Variants in CD96 observed in about 807,000 individuals in gnomAD.
CD96 encodes CD96 molecule, also known as T-cell surface protein tactile.
Under a neutral mutation model 71.3 loss-of-function variants are expected in CD96, and 70 were observed. The ratio of observed to expected loss-of-function variants is 0.98; its 90% CI spans 0.81 to 1.20. CD96 has a LOEUF of 1.20. Among genes scored for constraint, CD96 ranks in the 50% most tolerant of loss-of-function variants. CD96 has a pLI of 0.00. For synonymous variants in CD96, 248 were observed against 233.0 expected, an observed-to-expected ratio of 1.06 and a Z score of -0.59; for missense variants, 742 against 677.5, an observed-to-expected ratio of 1.10 and a Z score of -1.06.
intron 2 of CD96, among the ~76,000 whole-genome samples, chr3:111,561,680 C>T (rs1935420073): frequency 1.5e-5 from 2 of 137,678 alleles, no homozygotes; most frequent in South Asian, 5.5e-4. Context: ...GTGCCCTGCC[C>T]CCAGAGGTGG....
At chr3:111,560,082 T>C (rs756579815) in intron 2 of CD96, among the ~76,000 whole-genome samples, 17,148 of 146,114 alleles carry the variant, frequency 0.12, 1,096 homozygotes, top group Non-Finnish European at 0.13. Context: ...TCCATCCTTT[T>C]ATTTTGAGCC....
intron 3 of CD96, among the ~76,000 whole-genome samples, chr3:111,573,704 T>C (rs1936093135): frequency 6.6e-6 from 1 of 152,214 alleles, no homozygotes; most frequent in African/African-American, 2.4e-5. Flanking sequence ...AGCACATAAC[T>C]ATAGATTCTC....
chr3:111,606,572 A>G, intron 7 of CD96, 128 bp from the exon 8 acceptor site: 1 of 682,358 alleles, frequency 1.5e-6, no homozygotes, highest in Non-Finnish European at 2.7e-6. Flanking sequence ...CTTGACCTTA[A>G]TAGGGCCCCA....
chr3:111,636,669 C>G (rs1353164889), intron 10 of CD96, among the ~76,000 whole-genome samples: 1 of 152,236 alleles, frequency 6.6e-6, no homozygotes, highest in African/African-American at 2.4e-5. Context: ...ACTCACTCAG[C>G]AGCTGACAAG....
intron 2 of CD96, among the ~76,000 whole-genome samples, chr3:111,549,868 C>T (rs953722197): frequency 6.6e-6 from 1 of 152,102 alleles, no homozygotes; most frequent in African/African-American, 2.4e-5. Context: ...ATACAGAAGA[C>T]GTTAGGTAAA....
At chr3:111,569,846 G>A (rs1010620836) in intron 3 of CD96, among the ~76,000 whole-genome samples, 28 of 152,032 alleles carry the variant, frequency 1.8e-4, no homozygotes, top group Non-Finnish European at 2.9e-4. Flanking sequence ...AGTATCAATC[G>A]CTACCCCCAA....
rs771078898 is a variant in CD96, at chr3:111,623,762, G to A, written c.1189G>A (p.Ala397Thr). 1.9e-6 allele frequency: 3 copies of A among 1,605,926 alleles called. No homozygotes were observed. The highest frequency in any genetic ancestry group is 2.6e-6 in the Non-Finnish European group (3 of 1,172,726). ...ASSVSPARYPATSSVTLVDVS... is the reference protein window; with the variant it reads ...ASSVSPARYPTTSSVTLVDVS... ...TTTTATTTTCAAAATAGGATATCCA[G>A]CTACATCTTCAGTGACCCTTGTAGA... Residue 397 changes from alanine (A) to threonine (T), a missense_variant, in exon 9 of 14, where the codon GCT becomes ACT. Coordinates refer to ENST00000352690, the MANE Select transcript of CD96 (RefSeq NM_005816.5).
At chr3:111,659,516 T>C (rs4682295) in intron 14 of CD96, among the ~76,000 whole-genome samples, 67,055 of 152,102 alleles carry the variant, frequency 0.44, 17,729 homozygotes, top group Non-Finnish European at 0.58. Flanking sequence ...CTCTTAACAC[T>C]GCTTTGGCTG....
chr3:111,612,058 A>G (rs1196160591), intron 8 of CD96, among the ~76,000 whole-genome samples: 4 of 152,224 alleles, frequency 2.6e-5, no homozygotes, highest in African/African-American at 7.2e-5. Context: ...TTAAACGTCA[A>G]CTAATGGGCT....
chr3:111,642,733 G>C (rs1206194964), intron 12 of CD96, among the ~76,000 whole-genome samples: 2 of 152,002 alleles, frequency 1.3e-5, no homozygotes, highest in Non-Finnish European at 2.9e-5. Context: ...CTTGAGTCTG[G>C]GTGGCAGAGG....
chr3:111,576,731 T>A (rs1320527878), intron 3 of CD96, among the ~76,000 whole-genome samples: 12 of 152,162 alleles, frequency 7.9e-5, no homozygotes, highest in Admixed American at 7.9e-4. Flanking sequence ...ATATAGTAGG[T>A]GCTAAATAAA....
At chr3:111,563,756 T>G (rs1347603938) in intron 2 of CD96, among the ~76,000 whole-genome samples, 1 of 152,200 alleles carries the variant, frequency 6.6e-6, no homozygotes, top group African/African-American at 2.4e-5. Flanking sequence ...TTGTAACAAT[T>G]ATATATTCTT....
intron 5 of CD96, 130 bp from the exon 6 acceptor site, chr3:111,597,990 A>G (rs1316268531): frequency 1.4e-6 from 1 of 696,742 alleles, no homozygotes; most frequent in Non-Finnish European, 2.6e-6. Flanking sequence ...AAAAGTAGAC[A>G]TTGCCTTCTA....
intron 5 of CD96, chr3:111,593,080 C>A (rs1937070373): frequency 6.5e-6 from 1 of 153,670 alleles, no homozygotes; most frequent in African/African-American, 2.4e-5. Context: ...AGTACATGTG[C>A]TAAGACCTCA....
At chr3:111,584,339 T>C (rs1286223796) in intron 4 of CD96, among the ~76,000 whole-genome samples, 2 of 152,204 alleles carry the variant, frequency 1.3e-5, no homozygotes, top group African/African-American at 4.8e-5. Context: ...GGTTCCAAAC[T>C]TTACAACATT....
chr3:111,642,607 G>A lies in CD96; in HGVS notation c.1477+4439G>A, dbSNP rs183244658. Reference sequence around the variant, plus strand: ...GTGGATCATGAGGTCAAGAGTTCACGACCCGCCTGGCCAAGACAGTGAAAA... The same window carrying A: ...GTGGATCATGAGGTCAAGAGTTCACAACCCGCCTGGCCAAGACAGTGAAAA... On this transcript the variant is annotated intron_variant, in intron 12 of 13. Coordinates refer to ENST00000352690, the MANE Select transcript of CD96 (RefSeq NM_005816.5). Among the ~76,000 whole-genome samples the A allele has an allele frequency of 6.7e-3, 1,014 of 152,148 alleles. 4 individuals are homozygous for A. The highest frequency in any genetic ancestry group is 0.013 in the South Asian group (63 of 4,824).
intron 7 of CD96, 152 bp from the exon 8 acceptor site, chr3:111,606,548 T>G (rs2107665514): frequency 3.1e-6 from 2 of 639,642 alleles, no homozygotes; most frequent in East Asian, 2.8e-5. Context: ...TCATTCATCA[T>G]TATATCCCAC....
At chr3:111,567,364 T>C (rs1490819510) in intron 2 of CD96, among the ~76,000 whole-genome samples, 159 bp from the exon 3 acceptor site, 1 of 152,222 alleles carries the variant, frequency 6.6e-6, no homozygotes, top group Non-Finnish European at 1.5e-5. Context: ...TAGCCACTTA[T>C]ACAATGAGGG....
intron 3 of CD96, among the ~76,000 whole-genome samples, chr3:111,574,952 T>G (rs1428545124): frequency 6.4e-5 from 1 of 15,602 alleles, no homozygotes; most frequent in East Asian, 7.8e-4. Context: ...CCCAGCTAAC[T>G]TTTTTTTTTT....
Sources: allele counts gnomAD v4.1 joint callset (sites outside exome capture counted in the v4.1 genomes callset), GRCh38; gene constraint gnomAD v4.1.1; transcripts MANE v1.5; gene names NCBI Gene and HGNC (gene_info 2026-07-23, HGNC 2026-07-21).